The following E2F7 variants were observed in gnomAD, a reference collection of about 807,000 sequenced individuals.
E2F7 encodes E2F transcription factor 7.
In E2F7, 35 loss-of-function variants were observed where a neutral mutation model predicts 81.1. That is an observed-to-expected ratio of 0.43 (90% CI 0.33 to 0.57). E2F7 has a LOEUF of 0.57. E2F7 is among the 20% of genes least tolerant of loss of function. The pLI is 0.04. For synonymous variants in E2F7, 416 were observed against 416.2 expected, an observed-to-expected ratio of 1.00 and a Z score of 0.01; for missense variants, 961 against 1,093.7, an observed-to-expected ratio of 0.88 and a Z score of 1.71.
At chr12:77,033,526 A>G (rs1954823191) in intron 8 of E2F7, among the ~76,000 whole-genome samples, 1 of 152,222 alleles carries the variant, frequency 6.6e-6, no homozygotes, top group South Asian at 2.1e-4. Flanking sequence ...AAAAAGAAAA[A>G]GAAAAAAGAA....
At position 77,043,856 on chromosome 12, in the gene E2F7, C is replaced by T. The variant is rs576008164; in HGVS notation, c.989-657G>A. Among the ~76,000 whole-genome samples the T allele has an allele frequency of 1.8e-4, 28 of 152,274 alleles. No homozygotes were observed. The East Asian group carries it at 4.6e-3, about 25-fold the overall frequency. ...AAGGGGTGGTAGCACATGAGACAGG[C>T]ACGATAATGACCACAAAGTATTTTC... On this transcript the variant is annotated intron_variant, in intron 6 of 12. Coordinates refer to ENST00000322886, the MANE Select transcript of E2F7 (RefSeq NM_203394.3).
chr12:77,063,820 A>G (rs886562578), intron 2 of E2F7, among the ~76,000 whole-genome samples: 1 of 152,242 alleles, frequency 6.6e-6, no homozygotes, highest in Non-Finnish European at 1.5e-5. Flanking sequence ...GAGAAGTTCA[A>G]TGCCCAAGTT....
chr12:77,051,304 A>G (rs1247619336), intron 3 of E2F7, among the ~76,000 whole-genome samples: 1 of 152,210 alleles, frequency 6.6e-6, no homozygotes, highest in African/African-American at 2.4e-5. Context: ...TCCTCAACCC[A>G]CATTTGAAAG....
In E2F7 at chr12:77,046,118, A is replaced by C; in HGVS notation, c.749T>G (p.Phe250Cys). The C allele has an allele frequency of 6.2e-7, 1 of 1,614,146 alleles. No individual in the cohort carries two copies. The highest frequency in any genetic ancestry group is 2.2e-5 in the East Asian group (1 of 44,880). ...QKELDLIDYKFGERKKDGDPD... is the reference protein window; with the variant it reads ...QKELDLIDYKCGERKKDGDPD... ...ATCACCATCTTTTTTACGTTCTCCA[A>C]ATTTATAATCTATCAGGTCCAGCTC... Residue 250 changes from phenylalanine to cysteine, a missense_variant, in exon 5 of 13, where the codon TTT becomes TGT. Physicochemically the swap from Phe to Cys is radical, Grantham distance 205. Coordinates refer to ENST00000322886, the MANE Select transcript of E2F7 (RefSeq NM_203394.3).
intron 7 of E2F7, among the ~76,000 whole-genome samples, chr12:77,036,193 A>T (rs931840147): frequency 1.3e-5 from 2 of 152,346 alleles, no homozygotes; most frequent in African/African-American, 2.4e-5. Flanking sequence ...AAAACCAAGT[A>T]CACAAAACAT....
chr12:77,041,253 G>A (rs921402624), intron 7 of E2F7, among the ~76,000 whole-genome samples: 1 of 152,112 alleles, frequency 6.6e-6, no homozygotes, highest in Non-Finnish European at 1.5e-5. Context: ...GTGCAATGGC[G>A]TGATCTCGGC....
At chr12:77,043,715 C>T (rs942794112) in intron 6 of E2F7, among the ~76,000 whole-genome samples, 1 of 152,060 alleles carries the variant, frequency 6.6e-6, no homozygotes, top group Non-Finnish European at 1.5e-5. Context: ...CAGCTCCTCA[C>T]CTGAAATTGT....
In E2F7 at chr12:77,023,491, T is replaced by C. The variant is rs1177052895; in HGVS notation, c.*524A>G. 1 of 152,900 alleles carries C rather than the reference T, an allele frequency of 6.5e-6. No homozygotes were observed. 9.5% of individuals were successfully genotyped at this position (152,900 alleles called of 1,614,324 possible). On this transcript the variant is annotated 3_prime_UTR_variant, in exon 13 of 13. Transcript: ENST00000322886. ...CCTGAAAAAAATGTGTTAAAGACTGTAGTTGTAAACTTTTTGCACTAAATC... is the reference window on the plus strand; with the variant it reads ...CCTGAAAAAAATGTGTTAAAGACTGCAGTTGTAAACTTTTTGCACTAAATC...
At chr12:77,034,326 C>T (rs1383906415) in intron 7 of E2F7, among the ~76,000 whole-genome samples, 1 of 152,042 alleles carries the variant, frequency 6.6e-6, no homozygotes, top group Non-Finnish European at 1.5e-5. Context: ...TGTTCTTCAA[C>T]CCGAATTAGA....
chr12:77,048,771 T>C (rs1164185280), intron 4 of E2F7, among the ~76,000 whole-genome samples: 1 of 152,134 alleles, frequency 6.6e-6, no homozygotes, highest in Non-Finnish European at 1.5e-5. Context: ...CAGGCAGCCA[T>C]AACATGGGGA....
intron 3 of E2F7, among the ~76,000 whole-genome samples, chr12:77,050,992 G>C (rs1173796402): frequency 6.6e-6 from 1 of 152,060 alleles, no homozygotes; most frequent in Non-Finnish European, 1.5e-5. Context: ...TGAAAAATGA[G>C]AGTCATTTAC....
At chr12:77,025,472 C>A in intron 12 of E2F7, 86 bp downstream of exon 12, 2 of 1,475,522 alleles carry the variant, frequency 1.4e-6, no homozygotes, top group South Asian at 1.3e-5. Context: ...TGCCTCTGTC[C>A]GGCAGTCATG....
chr12:77,025,752 T>A lies in E2F7; in HGVS notation c.2371A>T (p.Ile791Leu). 6.2e-7 allele frequency: 1 copy of A among 1,614,148 alleles called. No homozygotes were observed. Among genetic ancestry groups the A allele is most frequent in the Non-Finnish European group, 8.5e-7 (1 of 1,180,038 alleles). Residue 791 changes from isoleucine (I) to leucine (L), a missense_variant, in exon 12 of 13, where the codon ATA (isoleucine) becomes TTA (leucine). Around this residue, in one of 3 missense-constraint regions of E2F7, gnomAD observed 587 missense variants for 620.3 expected, o/e 0.95. Transcript: ENST00000322886. The part of the protein sequence containing the change: ...VNFSLPGLGS[I>L]AQLLVGPTAV... Reference sequence around the variant, plus strand: ...GTGGGGCCGACGAGAAGCTGGGCTATTGATCCAAGGCCAGGCAAGCTGAAA... The same window carrying A: ...GTGGGGCCGACGAGAAGCTGGGCTAATGATCCAAGGCCAGGCAAGCTGAAA...
chr12:77,054,181 A>G (rs1194674003), intron 3 of E2F7, among the ~76,000 whole-genome samples: 3 of 152,074 alleles, frequency 2.0e-5, no homozygotes, highest in African/African-American at 7.2e-5. Flanking sequence ...GCAAAATGCA[A>G]CTTACCCATG....
At chr12:77,063,246 C>A (rs1955092408) in intron 2 of E2F7, among the ~76,000 whole-genome samples, 1 of 152,056 alleles carries the variant, frequency 6.6e-6, no homozygotes, top group African/African-American at 2.4e-5. Context: ...TTTGGATATG[C>A]CAAAGGGAAG....
At chr12:77,025,359 T>G (rs1381033864) in intron 12 of E2F7, among the ~76,000 whole-genome samples, 199 bp downstream of exon 12, 1 of 152,124 alleles carries the variant, frequency 6.6e-6, no homozygotes, top group East Asian at 1.9e-4. Flanking sequence ...AACATACATT[T>G]TTGTCTTTAA....
At chr12:77,061,962 C>T (rs1441771602) in intron 2 of E2F7, among the ~76,000 whole-genome samples, 1 of 152,236 alleles carries the variant, frequency 6.6e-6, no homozygotes, top group African/African-American at 2.4e-5. Flanking sequence ...TTTTAACTCC[C>T]TCTGAACTTC....
chr12:77,053,423 T>C (rs961688525), intron 3 of E2F7, among the ~76,000 whole-genome samples: 4 of 152,210 alleles, frequency 2.6e-5, no homozygotes, highest in Non-Finnish European at 4.4e-5. Flanking sequence ...ATCCACATTG[T>C]GTACTTCCTG....
chr12:77,046,162 C>A lies in E2F7; in HGVS notation c.705G>T (p.Met235Ile). ...LGEEQKYEEQ[M>I]AYLQQKELDL... Reference sequence around the variant, plus strand: ...CCAGCTCTTTCTGTTGGAGGTAGGCCATTTGCTCTTCATATTTCTGCTCCT... The same window carrying A: ...CCAGCTCTTTCTGTTGGAGGTAGGCAATTTGCTCTTCATATTTCTGCTCCT... The change falls in exon 5 of 13, where the codon ATG (methionine) becomes ATT (isoleucine). Residue 235 changes from methionine (M) to isoleucine (I), a missense_variant. Around this residue, in one of 3 missense-constraint regions of E2F7, gnomAD observed 301 missense variants for 405.0 expected, o/e 0.74. Transcript: ENST00000322886. 1 of 1,614,184 alleles carries A rather than the reference C, an allele frequency of 6.2e-7. No homozygotes were observed.
Sources: gnomAD v4.1 joint callset for allele counts (sites outside exome capture counted in the v4.1 genomes callset) on GRCh38, gnomAD v4.1.1 for gene constraint, gnomAD v4.1.1 regional missense constraint, MANE v1.5 for transcripts, NCBI Gene and HGNC (gene_info 2026-07-23, HGNC 2026-07-21) for gene names.